CREBBP: variants seen among roughly 807,000 people sequenced by gnomAD.
The protein encoded by CREBBP is CREB binding lysine acetyltransferase, also known as CREB-binding protein.
A neutral mutation model predicts 265.0 loss-of-function variants in CREBBP; 19 were observed. The ratio of observed to expected loss-of-function variants is 0.07; its 90% CI spans 0.05 to 0.11. The LOEUF (loss-of-function observed/expected upper bound fraction) is 0.11. Ranked by LOEUF, CREBBP falls within the 10% of genes least tolerant of loss-of-function variation. CREBBP has a pLI of 1.00. For missense variants in CREBBP, 2,525 were observed against 3,219.0 expected, an observed-to-expected ratio of 0.78 and a Z score of 5.22; for synonymous variants, 1,457 against 1,223.7, an observed-to-expected ratio of 1.19 and a Z score of -3.98.
intron 26 of CREBBP, 90 bp from the exon 27 acceptor site, chr16:3,736,905 G>A: frequency 1.3e-6 from 2 of 1,497,788 alleles, no homozygotes; most frequent in Non-Finnish European, 1.8e-6. Context: ...AAGGACTAAA[G>A]CCAGGACAGA....
chr16:3,860,413 T>C (rs1028001822), intron 1 of CREBBP, among the ~76,000 whole-genome samples: 2 of 152,274 alleles, frequency 1.3e-5, no homozygotes, highest in Admixed American at 6.5e-5. Flanking sequence ...AGTGTGATCA[T>C]GGCTCACTGT....
At chr16:3,870,106 G>A (rs1181943391) in intron 1 of CREBBP, among the ~76,000 whole-genome samples, 2 of 151,910 alleles carry the variant, frequency 1.3e-5, no homozygotes, top group Non-Finnish European at 2.9e-5. Context: ...CACAAATCGG[G>A]GAAAAATTTT....
intron 15 of CREBBP, 141 bp from the exon 16 acceptor site, chr16:3,768,050 C>T: frequency 1.4e-6 from 1 of 733,320 alleles, no homozygotes; most frequent in Non-Finnish European, 2.4e-6. Flanking sequence ...TTCCTCTTCT[C>T]TTCCGGAAGA....
rs1352767565 is a variant in CREBBP at position 3,727,368 on chromosome 16, T to C, written c.*350A>G. 1 of 271,398 alleles carries C rather than the reference T, an allele frequency of 3.7e-6. No homozygotes were observed. Among genetic ancestry groups the C allele is most frequent in the Non-Finnish European group, 7.0e-6 (1 of 141,896 alleles). The allele number at this position is 271,398 out of a possible 1,614,324, so 16.8% of individuals were successfully genotyped here. A position where few individuals can be genotyped will look rare whatever the true frequency, so the allele number is the denominator to read the frequency against. On this transcript the variant is annotated 3_prime_UTR_variant, in exon 31 of 31. Transcript: ENST00000262367. Reference sequence around the variant, plus strand: ...GTCTTGAAAATACAAATAAAAAATATGAATATAATGAACTTGTTTTTCCCG... The same window carrying C: ...GTCTTGAAAATACAAATAAAAAATACGAATATAATGAACTTGTTTTTCCCG...
At chr16:3,867,832 G>A (rs1463427557) in intron 1 of CREBBP, among the ~76,000 whole-genome samples, 2 of 151,964 alleles carry the variant, frequency 1.3e-5, no homozygotes, top group African/African-American at 2.4e-5. Flanking sequence ...GGGAGGCTGA[G>A]GTGGGATTGC....
chr16:3,784,206 G>A (rs1217602784), intron 5 of CREBBP, among the ~76,000 whole-genome samples: 2 of 151,896 alleles, frequency 1.3e-5, no homozygotes, highest in Non-Finnish European at 2.9e-5. Flanking sequence ...TCAACCATCA[G>A]CACACCTATA....
intron 2 of CREBBP, among the ~76,000 whole-genome samples, chr16:3,837,221 A>G (rs958657695): frequency 4.6e-5 from 7 of 152,150 alleles, no homozygotes; most frequent in African/African-American, 1.7e-4. Flanking sequence ...AAAAACAGTG[A>G]TATTCATGAT....
chr16:3,750,663 T>G (rs1235849102), intron 20 of CREBBP, among the ~76,000 whole-genome samples: 1 of 152,340 alleles, frequency 6.6e-6, no homozygotes, highest in South Asian at 2.1e-4. Flanking sequence ...AGTTTAACCC[T>G]GTGCAGGAGT....
intron 25 of CREBBP, chr16:3,739,301 G>A: frequency 2.0e-6 from 1 of 494,272 alleles, no homozygotes. Context: ...CAGGTGCCAG[G>A]CTGTCCCATC....
intron 23 of CREBBP, chr16:3,742,499 GCATGA>G (rs1195493279): frequency 1.3e-4 from 20 of 152,100 alleles, no homozygotes; most frequent in African/African-American, 4.3e-4. Context: ...CATCCATGGC[GCATGA>G]CAGGGGCCTT....
intron 2 of CREBBP, among the ~76,000 whole-genome samples, chr16:3,830,654 T>C (rs921048849): frequency 2.6e-5 from 4 of 152,092 alleles, no homozygotes; most frequent in Admixed American, 1.3e-4. Flanking sequence ...AAACCTAAAA[T>C]TGTAATTGTA....
chr16:3,762,361 C>CTTTTTT (rs35125490), intron 16 of CREBBP, among the ~76,000 whole-genome samples: 6 of 118,688 alleles, frequency 5.1e-5, no homozygotes, highest in Admixed American at 1.8e-4. Context: ...ATTTTCTTTC[C>CTTTTTT]TTTTTTTTTT....
intron 16 of CREBBP, among the ~76,000 whole-genome samples, chr16:3,763,755 C>A (rs142565349): frequency 1.3e-5 from 2 of 152,094 alleles, no homozygotes; most frequent in African/African-American, 2.4e-5. Context: ...TGAGCCACTG[C>A]GCCCGGCCTG....
At chr16:3,823,013 C>A (rs548695892) in intron 2 of CREBBP, among the ~76,000 whole-genome samples, 1 of 152,120 alleles carries the variant, frequency 6.6e-6, no homozygotes, top group African/African-American at 2.4e-5. Flanking sequence ...ACAGAGAAAA[C>A]GTTCCTTCTA....
At chr16:3,830,792 T>C (rs1267172487) in intron 2 of CREBBP, among the ~76,000 whole-genome samples, 1 of 152,208 alleles carries the variant, frequency 6.6e-6, no homozygotes. Flanking sequence ...ATACACATTC[T>C]ATTTTTATGA....
chr16:3,848,203 C>G (rs2054709310), intron 2 of CREBBP, among the ~76,000 whole-genome samples: 1 of 151,846 alleles, frequency 6.6e-6, no homozygotes, highest in Non-Finnish European at 1.5e-5. Flanking sequence ...ACATATGAGA[C>G]CACTGGAAAC....
chr16:3,797,754 A>T (rs2053636062), intron 3 of CREBBP, among the ~76,000 whole-genome samples: 1 of 151,976 alleles, frequency 6.6e-6, no homozygotes, highest in African/African-American at 2.4e-5. Flanking sequence ...GGCATCTTTG[A>T]TCCTTATCTT....
At position 3,728,389 on chromosome 16, in the gene CREBBP, C is replaced by T. The variant is rs141184151; in HGVS notation, c.6658G>A (p.Gly2220Ser). The T allele has an allele frequency of 1.5e-5, 24 of 1,613,358 alleles. No homozygotes were observed. Among genetic ancestry groups the T allele is most frequent in the Non-Finnish European group, 1.8e-5 (21 of 1,179,740 alleles). ...TGCCCCGCCATGCCCCCAGCCATGC[C>T]GGCACTCCCTTGCTGCTGCTGCTGT... ...QQQQQQQGSA[G>S]MAGGMAGHGQ... Residue 2220 changes from glycine to serine, a missense_variant, in exon 31 of 31, where the codon GGC becomes AGC. Coordinates refer to ENST00000262367, the MANE Select transcript of CREBBP (RefSeq NM_004380.3). This position sits in a 1 kb window ranked among gnomAD's most constrained non-coding sequence, Gnocchi z 8.7.
At chr16:3,781,356 T>C in intron 6 of CREBBP, 50 bp from the exon 7 acceptor site, 1 of 1,453,632 alleles carries the variant, frequency 6.9e-7, no homozygotes, top group Non-Finnish European at 9.5e-7. Context: ...TAATATATAC[T>C]TCAAAGTTTT....
Sources: gnomAD v4.1 joint callset for allele counts (sites outside exome capture counted in the v4.1 genomes callset) on GRCh38, gnomAD v4.1.1 for gene constraint, Gnocchi (gnomAD v3.1) non-coding constraint, MANE v1.5 for transcripts, NCBI Gene and HGNC (gene_info 2026-07-23, HGNC 2026-07-21) for gene names.